LRP1B: variants seen among roughly 807,000 people sequenced by gnomAD.
LRP1B encodes the protein low-density lipoprotein receptor-related protein 1B.
LRP1B carries 217 observed loss-of-function variants against 556.6 expected under a neutral mutation model. The ratio of observed to expected loss-of-function variants is 0.39; its 90% CI spans 0.35 to 0.44. The LOEUF is 0.44. Ranked by LOEUF, LRP1B falls within the 20% of genes least tolerant of loss-of-function variation. The pLI, the probability that LRP1B is intolerant of heterozygous loss-of-function variation, is 1.00. For missense variants in LRP1B, 5,053 were observed against 5,620.8 expected, an observed-to-expected ratio of 0.90 and a Z score of 3.23; for synonymous variants, 2,047 against 1,865.8, an observed-to-expected ratio of 1.10 and a Z score of -2.50.
chr2:142,130,687 A>G lies in LRP1B; in HGVS notation c.43T>C (p.Leu15=), dbSNP rs1707818527. The G allele has an allele frequency of 1.2e-6, 2 of 1,613,718 alleles. No homozygotes were observed. Among genetic ancestry groups the G allele is most frequent in the African/African-American group, 1.3e-5 (1 of 75,040 alleles). ...LLALLTLSGL[L]PIARVLTVGA... is the part of the protein sequence containing the mutation. ...ACGGTCAGCACCCTGGCAATCGGCA[A>G]TAATCCCGAGAGAGTGAGTAAGGCG... is the stretch of plus-strand genomic sequence containing the variant. Residue 15 remains leucine (L), a synonymous_variant, in exon 1 of 91, where the codon TTG becomes CTG. Coordinates refer to ENST00000389484, the MANE Select transcript of LRP1B (RefSeq NM_018557.3).
At chr2:141,812,641 G>C (rs1486671859) in intron 1 of LRP1B, among the ~76,000 whole-genome samples, 5 of 152,118 alleles carry the variant, frequency 3.3e-5, no homozygotes, top group African/African-American at 1.2e-4. Context: ...GAAGGAACTT[G>C]ATTGCCATTA....
At chr2:140,323,417 G>A (rs1680266969) in intron 81 of LRP1B, among the ~76,000 whole-genome samples, 1 of 151,800 alleles carries the variant, frequency 6.6e-6, no homozygotes, top group Non-Finnish European at 1.5e-5. Context: ...GTTGATTAGT[G>A]GTAAGAGTCA....
intron 5 of LRP1B, among the ~76,000 whole-genome samples, chr2:141,245,077 A>G (rs988282116): frequency 6.6e-6 from 1 of 152,188 alleles, no homozygotes; most frequent in African/African-American, 2.4e-5. Flanking sequence ...CTATTAGATT[A>G]CACTCTCTGT....
intron 83 of LRP1B, among the ~76,000 whole-genome samples, chr2:140,298,775 T>C (rs529143579): frequency 2.0e-5 from 3 of 152,266 alleles, no homozygotes; most frequent in Non-Finnish European, 4.4e-5. Context: ...TCTTGTATAT[T>C]AGGAATAAGT....
At chr2:140,276,897 C>T (rs918423656) in intron 84 of LRP1B, among the ~76,000 whole-genome samples, 3 of 151,762 alleles carry the variant, frequency 2.0e-5, no homozygotes, top group African/African-American at 4.8e-5. Context: ...TGAAATGGGG[C>T]CCAGGTAGTT....
chr2:141,073,646 A>G (rs1258216248), intron 7 of LRP1B, among the ~76,000 whole-genome samples: 2 of 152,110 alleles, frequency 1.3e-5, no homozygotes, highest in East Asian at 3.9e-4. Flanking sequence ...TATCTCATAT[A>G]TAACATACCT....
At chr2:141,986,449 C>A (rs1006215497) in intron 1 of LRP1B, among the ~76,000 whole-genome samples, 4 of 151,856 alleles carry the variant, frequency 2.6e-5, no homozygotes, top group African/African-American at 4.8e-5. Context: ...GTATCAGAGA[C>A]AAGAACAGTT....
At chr2:140,842,164 C>A (rs1692129699) in intron 29 of LRP1B, among the ~76,000 whole-genome samples, 1 of 152,142 alleles carries the variant, frequency 6.6e-6, no homozygotes, top group South Asian at 2.1e-4. Flanking sequence ...GCTATAACTT[C>A]CCTTTTTATT....
intron 62 of LRP1B, among the ~76,000 whole-genome samples, chr2:140,451,274 G>C (rs1686875226): frequency 6.6e-6 from 1 of 152,152 alleles, no homozygotes; most frequent in Admixed American, 6.6e-5. Context: ...TACAGCAGCA[G>C]AGATGAGTAG....
intron 1 of LRP1B, among the ~76,000 whole-genome samples, chr2:141,922,437 G>A (rs1431883101): frequency 6.6e-6 from 1 of 152,042 alleles, no homozygotes; most frequent in Non-Finnish European, 1.5e-5. Context: ...CAGTTAAAAC[G>A]TCACCTCCTA....
intron 2 of LRP1B, among the ~76,000 whole-genome samples, chr2:141,770,443 G>T (rs1349968792): frequency 1.3e-5 from 2 of 152,106 alleles, no homozygotes; most frequent in African/African-American, 4.8e-5. Context: ...TAATAATTGT[G>T]AACTAATTTT....
chr2:140,268,818 T>C (rs6728269), intron 86 of LRP1B, among the ~76,000 whole-genome samples: 144,146 of 151,768 alleles, frequency 0.95, 68,888 homozygotes, highest in Middle Eastern at 1. Context: ...TACTCTAAGA[T>C]CTTTCATCTA....
intron 5 of LRP1B, among the ~76,000 whole-genome samples, chr2:141,240,035 A>T (rs565908232): frequency 7.1e-4 from 108 of 152,270 alleles, no homozygotes; most frequent in Non-Finnish European, 1.4e-3. Context: ...GAGTACTAAG[A>T]TATAATTTAA....
At chr2:141,894,456 A>C (rs571886232) in intron 1 of LRP1B, among the ~76,000 whole-genome samples, 58 of 152,012 alleles carry the variant, frequency 3.8e-4, no homozygotes, top group African/African-American at 1.3e-3. Context: ...TTTTCAAATA[A>C]ATATTGCTTT....
At chr2:142,112,682 C>G (rs751497533) in intron 1 of LRP1B, among the ~76,000 whole-genome samples, 9 of 152,028 alleles carry the variant, frequency 5.9e-5, no homozygotes, top group Non-Finnish European at 1.3e-4. Flanking sequence ...ATGGCGTTCT[C>G]TAATTGTTTC....
intron 7 of LRP1B, among the ~76,000 whole-genome samples, chr2:141,168,190 G>A (rs1381654289): frequency 6.6e-6 from 1 of 152,004 alleles, no homozygotes; most frequent in Non-Finnish European, 1.5e-5. Context: ...TTTCATCTGG[G>A]TGGGCTAGTC....
chr2:140,930,524 T>G (rs1695018918), intron 20 of LRP1B, among the ~76,000 whole-genome samples: 1 of 152,142 alleles, frequency 6.6e-6, no homozygotes, highest in African/African-American at 2.4e-5. Context: ...ATAAATATTT[T>G]TATTCAGAAT....
intron 2 of LRP1B, among the ~76,000 whole-genome samples, chr2:141,709,301 A>C (rs1692267047): frequency 6.6e-6 from 1 of 151,984 alleles, no homozygotes; most frequent in African/African-American, 2.4e-5. Context: ...GTGAGCCAAG[A>C]CTGCACCATT....
chr2:141,092,803 C>A (rs1321664442), intron 7 of LRP1B, among the ~76,000 whole-genome samples: 1 of 152,032 alleles, frequency 6.6e-6, no homozygotes, highest in African/African-American at 2.4e-5. Context: ...TTCAAGCGTT[C>A]GAGATGTGAA....
Sources: gnomAD v4.1 joint callset for allele counts (sites outside exome capture counted in the v4.1 genomes callset) on GRCh38, gnomAD v4.1.1 for gene constraint, MANE v1.5 for transcripts, NCBI Gene and HGNC (gene_info 2026-07-23, HGNC 2026-07-21) for gene names.